UNC13A: variants seen among roughly 807,000 people sequenced by gnomAD.
UNC13A encodes the protein protein unc-13 homolog A.
In UNC13A, 61 loss-of-function variants were observed where a neutral mutation model predicts 219.7. That is an observed-to-expected ratio of 0.28 (90% confidence interval 0.23 to 0.34). UNC13A has a LOEUF of 0.34. UNC13A is among the 10% of genes least tolerant of loss of function. The pLI is 1.00. For synonymous variants in UNC13A, 920 were observed against 884.6 expected (o/e 1.04, Z -0.71); for missense variants, 1,476 against 2,270.3 (o/e 0.65, Z 7.11).
Position 17,661,948 on chromosome 19 carries a change from A to G in UNC13A, c.559+1584T>C, listed in dbSNP as rs187315195. 3.1e-3 allele frequency among the ~76,000 whole-genome samples: 474 copies of G among 152,068 alleles called. 4 individuals are homozygous for G. Among genetic ancestry groups the G allele is most frequent in the African/African-American group, 0.01 (433 of 41,468 alleles). ...CCTGTCAGATCAGCGGCAGCATTAG[A>G]TTCTCATAGAAGGCCGGGCGCAGTG... On this transcript the variant is annotated intron_variant, in intron 8 of 43. Coordinates refer to ENST00000519716, the MANE Select transcript of UNC13A (RefSeq NM_001080421.3).
In UNC13A at chr19:17,632,920, C is replaced by A; in HGVS notation, c.3302-12G>T. On this transcript the variant is annotated splice_polypyrimidine_tract_variant and intron_variant, in intron 27 of 43. Coordinates refer to ENST00000519716, the MANE Select transcript of UNC13A (RefSeq NM_001080421.3). ...ATGCTTGTCGTGCTCTGGCCAGGGA[C>A]AAAGAGGATGGCACAGCTGGAAGGG... 1 of 1,613,854 alleles carries A rather than the reference C, an allele frequency of 6.2e-7. No individual in the cohort carries two copies. The highest frequency in any genetic ancestry group is 8.5e-7 in the Non-Finnish European group (1 of 1,179,880).
At chr19:17,669,524 G>A (rs1289476132) in intron 5 of UNC13A, 29 bp downstream of exon 5, 1 of 1,608,808 alleles carries the variant, frequency 6.2e-7, no homozygotes, top group Non-Finnish European at 8.5e-7. Context: ...GGCTGGGGCT[G>A]GGTGAAGGTC....
At chr19:17,666,878 ACACG>A (rs1221584586) in intron 6 of UNC13A, among the ~76,000 whole-genome samples, 174 bp from the exon 7 acceptor site, 4 of 86,422 alleles carry the variant, frequency 4.6e-5, no homozygotes, top group Non-Finnish European at 7.1e-5. Context: ...ACACACACAC[ACACG>A]AGAGAGAGAG....
At chr19:17,666,602 G>A in intron 7 of UNC13A, 48 bp downstream of exon 7, 1 of 1,387,826 alleles carries the variant, frequency 7.2e-7, no homozygotes, top group Non-Finnish European at 9.6e-7. Flanking sequence ...GGTAGGGGAG[G>A]GATGAGGATT....
chr19:17,668,028 T>G, intron 6 of UNC13A, 89 bp downstream of exon 6: 1 of 1,372,200 alleles, frequency 7.3e-7, no homozygotes, highest in South Asian at 1.2e-5. Flanking sequence ...AAGACAAGCT[T>G]AGAGAGAAAC....
chr19:17,654,086 C>T (rs1017631402), intron 11 of UNC13A, among the ~76,000 whole-genome samples: 2 of 152,106 alleles, frequency 1.3e-5, no homozygotes, highest in Admixed American at 6.6e-5. Context: ...CTCGGCCTCC[C>T]AAAGTGCTGG....
chr19:17,673,868 G>C (rs537343589), intron 3 of UNC13A, among the ~76,000 whole-genome samples: 78 of 152,034 alleles, frequency 5.1e-4, no homozygotes, highest in African/African-American at 1.8e-3. Flanking sequence ...AAAATTAGCC[G>C]GGTGTGGTGG....
chr19:17,619,900 C>T (rs963211868), intron 38 of UNC13A, among the ~76,000 whole-genome samples: 1 of 152,210 alleles, frequency 6.6e-6, no homozygotes, highest in Non-Finnish European at 1.5e-5. Flanking sequence ...CTGGGCAAGG[C>T]ACTTAACCTC....
intron 8 of UNC13A, among the ~76,000 whole-genome samples, chr19:17,662,675 C>T (rs1281282395): frequency 1.3e-5 from 2 of 152,118 alleles, no homozygotes; most frequent in Non-Finnish European, 2.9e-5. Context: ...AATCCCAGCA[C>T]TTTGGGAGGC....
chr19:17,629,503 C>T (rs1256877321), intron 30 of UNC13A, among the ~76,000 whole-genome samples, 180 bp from the exon 31 acceptor site: 3 of 152,048 alleles, frequency 2.0e-5, no homozygotes, highest in Admixed American at 6.6e-5. Flanking sequence ...GAGGAGATAC[C>T]GCTCGATGAA....
At chr19:17,678,803 G>A (rs935380014) in intron 1 of UNC13A, among the ~76,000 whole-genome samples, 2 of 152,078 alleles carry the variant, frequency 1.3e-5, no homozygotes, top group Admixed American at 6.5e-5. Flanking sequence ...AGAATGTGAC[G>A]GGATCGGGGG....
chr19:17,672,405 T>C lies in UNC13A; in HGVS notation c.243A>G (p.Pro81=), dbSNP rs774778435. The change falls in exon 4 of 44, where the codon CCA becomes CCG. Residue 81 remains proline, a synonymous_variant. Coordinates refer to ENST00000519716, the MANE Select transcript of UNC13A (RefSeq NM_001080421.3). The part of the protein sequence containing the change: ...WDTMVGTVWI[P]LRTIRQSNEE... ...CATTGGACTGGCGGATGGTCCTCAG[T>C]GGGATCCACACAGTGCCCACCATTG... 6.2e-7 allele frequency: 1 copy of C among 1,613,600 alleles called. No individual in the cohort carries two copies. Among genetic ancestry groups the C allele is most frequent in the Non-Finnish European group, 8.5e-7 (1 of 1,179,780 alleles).
In UNC13A at chr19:17,610,056, G is replaced by A. The variant is rs2076585516; in HGVS notation, c.4695C>T (p.Phe1565=). 1.2e-6 allele frequency: 2 copies of A among 1,613,934 alleles called. No individual in the cohort carries two copies. The highest frequency in any genetic ancestry group is 1.1e-5 in the South Asian group (1 of 91,092). ...NDLKWQTSGI[F]RPFIEVNIIG... ...TGATGTTGACCTCGATGAACGGCCG[G>A]AAGATGCCAGAAGTCTGCCACTTGA... Residue 1565 remains phenylalanine (F), a synonymous_variant, in exon 43 of 44, where the codon TTC becomes TTT. Transcript: ENST00000519716.
At chr19:17,612,425 T>C (rs1372153534) in intron 41 of UNC13A, among the ~76,000 whole-genome samples, 1 of 152,196 alleles carries the variant, frequency 6.6e-6, no homozygotes, top group African/African-American at 2.4e-5. Flanking sequence ...AGCAGAGCCA[T>C]GTCTTTTCCC....
chr19:17,607,046 C>T (rs1357965617), intron 43 of UNC13A, among the ~76,000 whole-genome samples: 1 of 152,086 alleles, frequency 6.6e-6, no homozygotes, highest in Non-Finnish European at 1.5e-5. Context: ...CTCCGGCCCA[C>T]CCTGGCTGAC....
intron 11 of UNC13A, among the ~76,000 whole-genome samples, chr19:17,654,292 AGCT>A (rs2079409861): frequency 6.6e-6 from 1 of 152,142 alleles, no homozygotes; most frequent in Admixed American, 6.5e-5. Context: ...TTCCAATAGT[AGCT>A]GCTATTTTTT....
intron 31 of UNC13A, 153 bp from the exon 32 acceptor site, chr19:17,628,093 G>T: frequency 1.5e-6 from 1 of 687,666 alleles, no homozygotes; most frequent in South Asian, 1.7e-5. Context: ...GGGAGCTTTT[G>T]TGCTCAGGTT....
intron 1 of UNC13A, among the ~76,000 whole-genome samples, chr19:17,681,685 G>A (rs1007546189): frequency 6.6e-6 from 1 of 152,172 alleles, no homozygotes; most frequent in African/African-American, 2.4e-5. Context: ...TTCACGGAAG[G>A]AATGACGTCA....
chr19:17,652,647 G>C lies in UNC13A; in HGVS notation c.1423C>G (p.Leu475Val), dbSNP rs746931509. ...ARGEGEMSKS[L>V]WFKGGPGGGL... ...ATTACTTACCCGCCTTTGAACCATA[G>C]GGATTTAGACATCTCTCCTTCTCCC... Residue 475 changes from leucine to valine, a missense_variant, in exon 12 of 44, where the codon CTA becomes GTA. Coordinates refer to ENST00000519716, the MANE Select transcript of UNC13A (RefSeq NM_001080421.3). 5 of 1,613,750 alleles carry C rather than the reference G, an allele frequency of 3.1e-6. No homozygotes were observed. The East Asian group carries it at 6.7e-5, about 22-fold the overall frequency.
Sources: gnomAD v4.1 joint callset for allele counts (sites outside exome capture counted in the v4.1 genomes callset) on GRCh38, gnomAD v4.1.1 for gene constraint, MANE v1.5 for transcripts, NCBI Gene and HGNC (gene_info 2026-07-23, HGNC 2026-07-21) for gene names.